DOP1A: variants seen among roughly 807,000 people sequenced by gnomAD.
DOP1A encodes the protein DOP1 leucine zipper like protein A.
In DOP1A, 90 loss-of-function variants were observed where a neutral mutation model predicts 267.6. The observed-to-expected ratio is 0.34, with a 90% CI of 0.28 to 0.40. The LOEUF (loss-of-function observed/expected upper bound fraction) is 0.40. Ranked by LOEUF, DOP1A falls within the 10% of genes least tolerant of loss-of-function variation. The probability of loss-of-function intolerance (pLI) is 1.00; values close to 1 mark genes in which losing one functional copy is unlikely to be tolerated. For missense variants in DOP1A, 2,437 were observed against 2,900.4 expected (o/e 0.84, Z 3.67); for synonymous variants, 932 against 999.1 (o/e 0.93, Z 1.27).
At chr6:83,152,403 A>G (rs750061739) in intron 30 of DOP1A, 36 bp downstream of exon 30, 6 of 971,148 alleles carry the variant, frequency 6.2e-6, no homozygotes, top group Non-Finnish European at 8.8e-6. Flanking sequence ...ACTCTCAAGT[A>G]GACTGTTTCA....
intron 17 of DOP1A, 77 bp from the exon 18 acceptor site, chr6:83,132,099 A>C: frequency 1.3e-6 from 2 of 1,526,974 alleles, no homozygotes; most frequent in Admixed American, 3.5e-5. Context: ...GCAGGCATTC[A>C]TTTGTACCTA....
At chr6:83,153,855 T>C in intron 31 of DOP1A, 39 bp from the exon 32 acceptor site, 2 of 1,572,590 alleles carry the variant, frequency 1.3e-6, no homozygotes, top group Non-Finnish European at 1.7e-6. Context: ...ATGATTAAAG[T>C]TAGGACACGT....
rs111415728 is a variant in DOP1A at position 83,153,945 on chromosome 6, T to C, written c.6291T>C (p.Leu2097=). Reference sequence around the variant, plus strand: ...CTTGTGTCCAGCTGCTCAGCAGTCTTAGTGGGTATCAGTACACACGGAGAG... The same window carrying C: ...CTTGTGTCCAGCTGCTCAGCAGTCTCAGTGGGTATCAGTACACACGGAGAG... ...YRACVQLLSS[L]SGYQYTRRAW... is the part of the protein sequence containing the mutation. The change falls in exon 32 of 39, where the codon CTT becomes CTC. Residue 2097 remains leucine (L), a synonymous_variant. Coordinates refer to ENST00000349129, the MANE Select transcript of DOP1A (RefSeq NM_015018.4). 8 of 1,614,086 alleles carry C rather than the reference T, an allele frequency of 5.0e-6. No individual in the cohort carries two copies. The African/African-American group carries it at 9.3e-5, about 19-fold the overall frequency.
rs1779096355 is a variant in DOP1A at position 83,137,935 on chromosome 6, CTAAAG to C, written c.3898_3902del (p.Val1300ThrfsTer7). On this transcript the variant is annotated frameshift_variant, in exon 21 of 39. Transcript: ENST00000349129. LOFTEE classifies it high-confidence loss of function. The stretch of plus-strand genomic sequence containing the variant: ...TCAGGTAAACAACCAGGAGCAAAAC[CTAAAG>C]TAAAACTTGCCAGAAAAAAGGATGA... The C allele has an allele frequency of 6.2e-7, 1 of 1,605,268 alleles. No individual in the cohort carries two copies. Among genetic ancestry groups the C allele is most frequent in the African/African-American group, 1.3e-5 (1 of 74,102 alleles).
chr6:83,143,002 CAAAAT>C lies in DOP1A; in HGVS notation c.5541+960_5541+964del, dbSNP rs1779901220. Reference sequence around the variant, plus strand: ...TTTTACATTACATTTTTAAATTAATCAAAATAAACATTCACACCATATTACATTAT... The same window carrying C: ...TTTTACATTACATTTTTAAATTAATCAAACATTCACACCATATTACATTAT... On this transcript the variant is annotated intron_variant, in intron 24 of 38. Coordinates refer to ENST00000349129, the MANE Select transcript of DOP1A (RefSeq NM_015018.4). Among the ~76,000 whole-genome samples, 2 of 152,068 alleles carry C rather than the reference CAAAAT, an allele frequency of 1.3e-5. 1 individual carries two copies. The highest frequency in any genetic ancestry group is 4.1e-4 in the South Asian group (2 of 4,828).
In DOP1A at chr6:83,137,630, T is replaced by C; in HGVS notation, c.3588T>C (p.Ile1196=). 6.2e-7 allele frequency: 1 copy of C among 1,613,790 alleles called. No individual in the cohort carries two copies. The highest frequency in any genetic ancestry group is 8.5e-7 in the Non-Finnish European group (1 of 1,179,830). Residue 1196 remains isoleucine (I), a synonymous_variant, in exon 21 of 39, where the codon ATT becomes ATC. Transcript: ENST00000349129. ...ATCCAGATGAAGAGACGATTAAAAT[T>C]GAAGATGACTCCATTCAACAGAGTC... ...DIDPDEETIK[I]EDDSIQQSQN...
At position 83,167,854 on chromosome 6, in the gene DOP1A, T is replaced by A; in HGVS notation, c.7093-8T>A. On this transcript the variant is annotated splice_polypyrimidine_tract_variant and splice_region_variant and intron_variant, in intron 38 of 38. Coordinates refer to ENST00000349129, the MANE Select transcript of DOP1A (RefSeq NM_015018.4). The stretch of plus-strand genomic sequence containing the variant: ...TATTAATACCAGTTCACTTTTTGTT[T>A]TCTGCAGAAAAATCCAGAGGAAGAC... 1 of 1,596,244 alleles carries A rather than the reference T, an allele frequency of 6.3e-7. No homozygotes were observed. Among genetic ancestry groups the A allele is most frequent in the Middle Eastern group, 1.7e-4 (1 of 5,950 alleles).
At chr6:83,169,887 T>C, downstream of DOP1A, 1 of 426,122 alleles carries the variant, frequency 2.3e-6, no homozygotes, top group South Asian at 1.7e-5. Context: ...TTAAAGGAAA[T>C]ATTTTGAAAA....
At chr6:83,098,247 G>A (rs1771873954) in intron 3 of DOP1A, among the ~76,000 whole-genome samples, 1 of 152,188 alleles carries the variant, frequency 6.6e-6, no homozygotes, top group Admixed American at 6.5e-5. Flanking sequence ...ACTAAGATGT[G>A]TGGGGGAAGA....
At position 83,096,987 on chromosome 6, in the gene DOP1A, G is replaced by C. The variant is rs755618614; in HGVS notation, c.10G>C (p.Glu4Gln). The change falls in exon 3 of 39, where the codon GAA becomes CAA. Residue 4 changes from glutamate (E) to glutamine (Q), a missense_variant. By Grantham distance (29) the Glu-to-Gln change is conservative. Coordinates refer to ENST00000349129, the MANE Select transcript of DOP1A (RefSeq NM_015018.4). MNT[E>Q]ELELLSDSKY... is the part of the protein sequence containing the mutation. ...GGGAAGTTGTGGGAGGATGAACACA[G>C]AAGAGCTGGAGTTATTGAGTGACTC... The C allele has an allele frequency of 3.1e-6, 5 of 1,613,992 alleles. No individual in the cohort carries two copies. The South Asian group carries it at 3.3e-5, about 11-fold the overall frequency.
At chr6:83,101,348 G>T (rs1772558611) in intron 4 of DOP1A, among the ~76,000 whole-genome samples, 1 of 152,110 alleles carries the variant, frequency 6.6e-6, no homozygotes, top group South Asian at 2.1e-4. Context: ...TGAGTTAAGT[G>T]ATTCAGAAAA....
chr6:83,119,926 A>T, intron 9 of DOP1A, 69 bp downstream of exon 9: 17 of 1,271,136 alleles, frequency 1.3e-5, no homozygotes, highest in Non-Finnish European at 1.4e-5. Context: ...GTGTAAGACG[A>T]GGTCTTGCCT....
Position 83,153,806 on chromosome 6 carries a change from T to A in DOP1A, c.6240-88T>A, listed in dbSNP as rs539867157. 6.3e-5 allele frequency: 87 copies of A among 1,375,540 alleles called. 2 individuals are homozygous for A. In the South Asian group the frequency reaches 1.0e-3, roughly 16 times the overall value. 85.2% of individuals were successfully genotyped at this position (1,375,540 alleles called of 1,614,324 possible). On this transcript the variant is annotated intron_variant, in intron 31 of 38. Coordinates refer to ENST00000349129, the MANE Select transcript of DOP1A (RefSeq NM_015018.4). Reference sequence around the variant, plus strand: ...TCTATTTCATATCTTCATGTCACTGTCTTAGGTAAATGTGAACATTTATGT... The same window carrying A: ...TCTATTTCATATCTTCATGTCACTGACTTAGGTAAATGTGAACATTTATGT...
At chr6:83,144,875 G>A (rs1780248341) in intron 24 of DOP1A, among the ~76,000 whole-genome samples, 1 of 151,172 alleles carries the variant, frequency 6.6e-6, no homozygotes, top group African/African-American at 2.4e-5. Context: ...TTGAGGTGAT[G>A]TACCTTTATT....
At chr6:83,095,678 A>G (rs1405821223) in intron 1 of DOP1A, among the ~76,000 whole-genome samples, 4 of 152,204 alleles carry the variant, frequency 2.6e-5, no homozygotes. Context: ...GTGGCCTATA[A>G]CAAAATCTTC....
At position 83,132,313 on chromosome 6, in the gene DOP1A, A is replaced by C. The variant is rs1778177216; in HGVS notation, c.2754A>C (p.Leu918Phe). Residue 918 changes from leucine to phenylalanine, a missense_variant, in exon 18 of 39, where the codon TTA (leucine) becomes TTC (phenylalanine). Transcript: ENST00000349129. Reference sequence around the variant, plus strand: ...GTGAGGATGTTATAAGTCAGCAGTTAACCCATAAAGATAAGGTAAATCCTC... The same window carrying C: ...GTGAGGATGTTATAAGTCAGCAGTTCACCCATAAAGATAAGGTAAATCCTC... ...SICEDVISQQ[L>F]THKDKKIRME... 1.9e-6 allele frequency: 3 copies of C among 1,608,302 alleles called. No homozygotes were observed. The highest frequency in any genetic ancestry group is 1.7e-5 in the Admixed American group (1 of 59,590).
Position 83,162,938 on chromosome 6 carries a change from ATTGT to A in DOP1A, c.7092+22_7092+25del. On this transcript the variant is annotated intron_variant, in intron 38 of 38. Transcript: ENST00000349129. ...AGCAAAGGTATCGCATTCTTTTGTG[ATTGT>A]TTTGTTTTACATCACTACATGTTGC... The A allele has an allele frequency of 6.2e-7, 1 of 1,605,584 alleles. No individual in the cohort carries two copies. Among genetic ancestry groups the A allele is most frequent in the Non-Finnish European group, 8.5e-7 (1 of 1,175,402 alleles).
intron 12 of DOP1A, 35 bp downstream of exon 12, chr6:83,123,017 C>A: frequency 6.4e-7 from 1 of 1,564,820 alleles, no homozygotes; most frequent in Non-Finnish European, 8.6e-7. Flanking sequence ...AATTTCGTAA[C>A]ATCTAAAGCT....
chr6:83,122,021 C>T lies in DOP1A; in HGVS notation c.1191C>T (p.Pro397=). 1.2e-6 allele frequency: 2 copies of T among 1,611,322 alleles called. No homozygotes were observed. Among genetic ancestry groups the T allele is most frequent in the African/African-American group, 1.3e-5 (1 of 74,892 alleles). The part of the protein sequence containing the change: ...KAELDLQTEP[P]FSKDHAQLSS... ...AGTTGGATCTTCAAACTGAACCACC[C>T]TTCAGCAAGGATCATGCTCAGTTAA... Residue 397 remains proline, a synonymous_variant, in exon 11 of 39, where the codon CCC becomes CCT. Coordinates refer to ENST00000349129, the MANE Select transcript of DOP1A (RefSeq NM_015018.4).
Sources: gnomAD v4.1 joint callset for allele counts (sites outside exome capture counted in the v4.1 genomes callset) on GRCh38, gnomAD v4.1.1 for gene constraint, MANE v1.5 for transcripts, NCBI Gene and HGNC (gene_info 2026-07-23, HGNC 2026-07-21) for gene names.